UGT2A2: variants seen among roughly 807,000 people sequenced by gnomAD.
UGT2A2 encodes the protein UDP glucuronosyltransferase family 2 member A2, also known as UDP-glucuronosyltransferase 2A2.
In UGT2A2, 60 loss-of-function variants were observed where a neutral mutation model predicts 50.7. That is an observed-to-expected ratio of 1.18 (90% CI 0.96 to 1.47). The LOEUF is 1.47. Among genes scored for constraint, UGT2A2 ranks in the 40% most tolerant of loss-of-function variants. UGT2A2 has a pLI of 0.00. For synonymous variants in UGT2A2, 242 were observed against 214.6 expected, an observed-to-expected ratio of 1.13 and a Z score of -1.11; for missense variants, 762 against 634.0, an observed-to-expected ratio of 1.20 and a Z score of -2.17.
chr4:69,607,132 C>T (rs544263850), intron 1 of UGT2A2, among the ~76,000 whole-genome samples: 2,669 of 147,624 alleles, frequency 0.018, 45 homozygotes, highest in Non-Finnish European at 0.027. Context: ...GCCAAAAGAA[C>T]AAAGCTGGAG....
chr4:69,599,210 T>G, intron 2 of UGT2A2, 36 bp downstream of exon 2: 1 of 1,575,838 alleles, frequency 6.3e-7, no homozygotes, highest in Non-Finnish European at 8.6e-7. Flanking sequence ...TATTTTATTA[T>G]GAAGAGCATA....
intron 5 of UGT2A2, among the ~76,000 whole-genome samples, chr4:69,590,501 G>A (rs544171302): frequency 6.6e-6 from 1 of 152,232 alleles, no homozygotes; most frequent in East Asian, 1.9e-4. Context: ...GAAGATGAGC[G>A]AAGGTAAATG....
intron 1 of UGT2A2, among the ~76,000 whole-genome samples, chr4:69,609,104 A>G (rs953588892): frequency 2.6e-5 from 4 of 151,956 alleles, no homozygotes; most frequent in African/African-American, 9.7e-5. Flanking sequence ...AAACTGTAGG[A>G]AGATATCTGC....
chr4:69,612,163 T>C (rs1202459145), intron 1 of UGT2A2, among the ~76,000 whole-genome samples: 2 of 151,860 alleles, frequency 1.3e-5, no homozygotes, highest in Admixed American at 6.6e-5. Flanking sequence ...CAAGACTTCA[T>C]GTATGAAAAT....
intron 1 of UGT2A2, among the ~76,000 whole-genome samples, chr4:69,635,173 A>G (rs927883434): frequency 2.6e-5 from 4 of 152,232 alleles, no homozygotes; most frequent in Non-Finnish European, 5.9e-5. Flanking sequence ...TCAGATTTAA[A>G]TTAAATATTA....
At chr4:69,596,888 A>G (rs935173975) in intron 2 of UGT2A2, among the ~76,000 whole-genome samples, 1 of 152,212 alleles carries the variant, frequency 6.6e-6, no homozygotes, top group African/African-American at 2.4e-5. Context: ...ATCAGTGATT[A>G]CAAGTCCAAG....
At chr4:69,601,410 A>G (rs1719287696) in intron 1 of UGT2A2, among the ~76,000 whole-genome samples, 1 of 152,122 alleles carries the variant, frequency 6.6e-6, no homozygotes, top group South Asian at 2.1e-4. Flanking sequence ...ACTCCTGGGT[A>G]ACATAAGGCA....
Position 69,638,887 on chromosome 4 carries a change from T to C in UGT2A2, c.742+12A>G. The C allele has an allele frequency of 6.4e-7, 1 of 1,552,092 alleles. No homozygotes were observed. Among genetic ancestry groups the C allele is most frequent in the Non-Finnish European group, 8.7e-7 (1 of 1,149,916 alleles). Reference sequence around the variant, plus strand: ...ATGTGGAGTCATTAAAAAGAGAAAATTTTAGACTTACCTAAAATTTTGCTA... The same window carrying C: ...ATGTGGAGTCATTAAAAAGAGAAAACTTTAGACTTACCTAAAATTTTGCTA... On this transcript the variant is annotated intron_variant, in intron 1 of 5. Coordinates refer to ENST00000604629, the MANE Select transcript of UGT2A2 (RefSeq NM_001105677.2).
chr4:69,595,296 A>G (rs1718857693), intron 3 of UGT2A2, 47 bp from the exon 4 acceptor site: 3 of 1,597,576 alleles, frequency 1.9e-6, no homozygotes, highest in Admixed American at 3.4e-5. Context: ...CACAATGAGG[A>G]CATTTTAAGT....
At chr4:69,592,086 G>T (rs908335943) in intron 5 of UGT2A2, among the ~76,000 whole-genome samples, 1 of 152,084 alleles carries the variant, frequency 6.6e-6, no homozygotes, top group African/African-American at 2.4e-5. Context: ...TTTTTGAAAT[G>T]AATACATTAG....
intron 1 of UGT2A2, among the ~76,000 whole-genome samples, chr4:69,631,726 T>C (rs184699750): frequency 3.9e-5 from 6 of 152,246 alleles, no homozygotes; most frequent in African/African-American, 1.4e-4. Context: ...AGAACAACTG[T>C]AGCCACTACA....
chr4:69,637,908 AAGGCAGGC>A (rs140477220), intron 1 of UGT2A2, among the ~76,000 whole-genome samples: 18 of 150,236 alleles, frequency 1.2e-4, no homozygotes, highest in Middle Eastern at 3.4e-3. Context: ...GGCAAGAAGG[AAGGCAGGC>A]AGGCAGGCAG....
In UGT2A2 at chr4:69,588,420, A is replaced by C. The variant is rs1269320569; in HGVS notation, c.*952T>G. 6.6e-6 allele frequency: 1 copy of C among 152,122 alleles called. No homozygotes were observed. Among genetic ancestry groups the C allele is most frequent in the Non-Finnish European group, 1.5e-5 (1 of 67,992 alleles). The allele number at this position is 152,122 out of a possible 1,614,324, so 9.4% of individuals were successfully genotyped here. On this transcript the variant is annotated 3_prime_UTR_variant, in exon 6 of 6. Coordinates refer to ENST00000604629, the MANE Select transcript of UGT2A2 (RefSeq NM_001105677.2). The stretch of plus-strand genomic sequence containing the variant: ...AGACAAAAATAATGCAATGATATCA[A>C]ATTCCAAGTAAGCATTTTTTATTTT...
intron 1 of UGT2A2, among the ~76,000 whole-genome samples, chr4:69,631,895 T>C (rs114763982): frequency 6.6e-6 from 1 of 152,308 alleles, no homozygotes; most frequent in Admixed American, 6.5e-5. Flanking sequence ...CTACTTTTAG[T>C]TGGCACTTTT....
At chr4:69,619,700 A>G (rs1720630070) in intron 1 of UGT2A2, among the ~76,000 whole-genome samples, 1 of 152,020 alleles carries the variant, frequency 6.6e-6, no homozygotes, top group African/African-American at 2.4e-5. Context: ...ACAACAAAAA[A>G]TAAAATAAAA....
intron 1 of UGT2A2, among the ~76,000 whole-genome samples, chr4:69,608,662 A>G (rs973184603): frequency 6.6e-6 from 1 of 152,068 alleles, no homozygotes; most frequent in African/African-American, 2.4e-5. Flanking sequence ...AATGGACTCA[A>G]CTCTGCAAAA....
intron 5 of UGT2A2, among the ~76,000 whole-genome samples, chr4:69,593,533 ACTAT>A (rs1310830057): frequency 1.3e-5 from 2 of 151,068 alleles, no homozygotes; most frequent in Non-Finnish European, 3.0e-5. Flanking sequence ...ATACACACAC[ACTAT>A]CTACTAAGCT....
At position 69,605,907 on chromosome 4, in the gene UGT2A2, G is replaced by A. The variant is rs1719580899; in HGVS notation, c.743-6513C>T. Among the ~76,000 whole-genome samples the A allele has an allele frequency of 1.5e-5, 2 of 136,480 alleles. 1 individual carries two copies. The highest frequency in any genetic ancestry group is 5.9e-5 in the African/African-American group (2 of 33,660). The allele number at this position is 136,480 out of a possible 152,430, so 89.5% of individuals were successfully genotyped here. A position where few individuals can be genotyped will look rare whatever the true frequency, so the allele number is the denominator to read the frequency against. On this transcript the variant is annotated intron_variant, in intron 1 of 5. Coordinates refer to ENST00000604629, the MANE Select transcript of UGT2A2 (RefSeq NM_001105677.2). The stretch of plus-strand genomic sequence containing the variant: ...GAATCTCTGAATAGACCAATAACAG[G>A]CTCTGAAATTGAGGCAATAATTAAT...
chr4:69,629,931 TATC>T (rs1721293117), intron 1 of UGT2A2, among the ~76,000 whole-genome samples: 2 of 152,078 alleles, frequency 1.3e-5, no homozygotes. Flanking sequence ...AAATGTATAT[TATC>T]ATTGCAATAG....
Sources: allele counts gnomAD v4.1 joint callset (sites outside exome capture counted in the v4.1 genomes callset), GRCh38; gene constraint gnomAD v4.1.1; transcripts MANE v1.5; gene names NCBI Gene and HGNC (gene_info 2026-07-23, HGNC 2026-07-21).